Variants in DMRT1 observed in about 807,000 individuals in gnomAD.
The protein encoded by DMRT1 is doublesex- and mab-3-related transcription factor 1.
Under a neutral mutation model 32.3 loss-of-function variants are expected in DMRT1, and 7 were observed. The observed-to-expected ratio is 0.22, with a 90% CI of 0.12 to 0.41. The LOEUF is 0.41. Ranked by LOEUF, DMRT1 falls within the 10% of genes least tolerant of loss-of-function variation. The pLI, the probability that DMRT1 is intolerant of heterozygous loss-of-function variation, is 1.00. For missense variants in DMRT1, 625 were observed against 500.5 expected (o/e 1.25, Z -2.37); for synonymous variants, 278 against 206.1 (o/e 1.35, Z -2.99).
intron 2 of DMRT1, among the ~76,000 whole-genome samples, chr9:862,237 C>T (rs896672015): frequency 1.4e-4 from 22 of 152,170 alleles, no homozygotes; most frequent in East Asian, 5.8e-4. Context: ...AGCGAGACTC[C>T]GTCTGCACTC....
chr9:847,852 A>C, intron 2 of DMRT1, among the ~76,000 whole-genome samples: 1 of 152,352 alleles, frequency 6.6e-6, no homozygotes, highest in South Asian at 2.1e-4. Flanking sequence ...ATTCATTACA[A>C]TGAAATAAAT....
chr9:858,867 AAAAATATATAT>A lies in DMRT1; in HGVS notation c.538+11726_538+11736del, dbSNP rs1169623450. ...CCAGTCTGTCTCAAAAAAAAAAAAA[AAAAATATATAT>A]ATATATATATATATATTTATCATTG... On this transcript the variant is annotated intron_variant, in intron 2 of 4. Coordinates refer to ENST00000382276, the MANE Select transcript of DMRT1 (RefSeq NM_021951.3). Among the ~76,000 whole-genome samples the A allele has an allele frequency of 7.1e-4, 13 of 18,290 alleles. 1 individual carries two copies. In the South Asian group the frequency reaches 0.014, roughly 20 times the overall value. 12.0% of individuals were successfully genotyped at this position (18,290 alleles called of 152,430 possible).
intron 2 of DMRT1, among the ~76,000 whole-genome samples, chr9:889,243 G>T (rs1407462450): frequency 1.3e-5 from 2 of 152,164 alleles, no homozygotes; most frequent in African/African-American, 4.8e-5. Context: ...CACTGACTGA[G>T]AATTTTAATT....
At chr9:931,096 A>T (rs1037073637) in intron 4 of DMRT1, among the ~76,000 whole-genome samples, 1 of 152,170 alleles carries the variant, frequency 6.6e-6, no homozygotes, top group African/African-American at 2.4e-5. Context: ...GACTTTTTGT[A>T]TAAATGGGAT....
At position 842,558 on chromosome 9, in the gene DMRT1, G is replaced by A. The variant is rs546349295; in HGVS notation, c.354+366G>A. 2.6e-3 allele frequency among the ~76,000 whole-genome samples: 398 copies of A among 151,606 alleles called. 6 individuals carry two copies. The highest frequency in any genetic ancestry group is 9.1e-3 in the African/African-American group (377 of 41,430). Reference sequence around the variant, plus strand: ...GCGGGGCCCGAGTTTCTTGAATGAAGTCCCCCCAGCATGGCCGTTGCCATG... The same window carrying A: ...GCGGGGCCCGAGTTTCTTGAATGAAATCCCCCCAGCATGGCCGTTGCCATG... On this transcript the variant is annotated intron_variant, in intron 1 of 4. Transcript: ENST00000382276.
At chr9:858,869 AAATATAT>A (rs1448370975) in intron 2 of DMRT1, among the ~76,000 whole-genome samples, 11 of 17,308 alleles carry the variant, frequency 6.4e-4, no homozygotes, top group African/African-American at 1.7e-3. Flanking sequence ...AAAAAAAAAA[AAATATAT>A]ATATATATAT....
intron 4 of DMRT1, among the ~76,000 whole-genome samples, chr9:923,948 A>T (rs768789995): frequency 6.6e-6 from 1 of 152,132 alleles, no homozygotes; most frequent in Non-Finnish European, 1.5e-5. Flanking sequence ...CTTGGAACAG[A>T]GAAGTAAGTG....
intron 4 of DMRT1, among the ~76,000 whole-genome samples, chr9:931,452 G>A (rs1028792388): frequency 5.3e-5 from 8 of 152,162 alleles, no homozygotes; most frequent in Admixed American, 1.3e-4. Context: ...TTATTTTCCC[G>A]TTTTGTGCTA....
chr9:887,725 C>T (rs77440724), intron 2 of DMRT1, among the ~76,000 whole-genome samples: 1,871 of 152,248 alleles, frequency 0.012, 31 homozygotes, highest in African/African-American at 0.043. Context: ...CTCACCGTGG[C>T]CTTTTCTGAC....
rs1395484385 is a variant in DMRT1 at position 951,374 on chromosome 9, A to T, written c.968-16611A>T. On this transcript the variant is annotated intron_variant, in intron 4 of 4. Transcript: ENST00000382276. The stretch of plus-strand genomic sequence containing the variant: ...AGCTGGAAACACAGACCAGACATGG[A>T]CAGTAACCTTAATCAGCAAGAATGC... Among the ~76,000 whole-genome samples the T allele has an allele frequency of 2.0e-5, 3 of 152,214 alleles. No homozygotes were observed. The East Asian group carries it at 5.8e-4, about 29-fold the overall frequency.
intron 2 of DMRT1, among the ~76,000 whole-genome samples, chr9:869,610 G>T (rs528353251): frequency 3.3e-5 from 5 of 152,066 alleles, no homozygotes; most frequent in African/African-American, 1.2e-4. Flanking sequence ...TACTTGTAAG[G>T]CTACTCCTCC....
At chr9:894,305 A>G in intron 3 of DMRT1, 110 bp downstream of exon 3, 1 of 1,193,494 alleles carries the variant, frequency 8.4e-7, no homozygotes, top group Non-Finnish European at 1.2e-6. Flanking sequence ...GCCCAGAGGC[A>G]CACACAGGTG....
At chr9:883,162 C>G (rs1324842632) in intron 2 of DMRT1, among the ~76,000 whole-genome samples, 1 of 151,918 alleles carries the variant, frequency 6.6e-6, no homozygotes. Context: ...CCCTTTGAAC[C>G]AAGCCCGCTC....
chr9:864,188 T>G (rs1815855094), intron 2 of DMRT1, among the ~76,000 whole-genome samples: 1 of 133,768 alleles, frequency 7.5e-6, no homozygotes, highest in African/African-American at 2.6e-5. Context: ...TGTATTCTTT[T>G]AACTTCTTCT....
At chr9:859,835 T>A (rs1179653388) in intron 2 of DMRT1, among the ~76,000 whole-genome samples, 1 of 150,428 alleles carries the variant, frequency 6.6e-6, no homozygotes, top group Non-Finnish European at 1.5e-5. Flanking sequence ...AGTATTACAG[T>A]AATAGCAGAT....
intron 4 of DMRT1, among the ~76,000 whole-genome samples, chr9:951,892 C>T (rs1819438485): frequency 6.6e-6 from 1 of 152,192 alleles, no homozygotes; most frequent in East Asian, 1.9e-4. Flanking sequence ...GTTTGAAGCA[C>T]TTACTGATTA....
chr9:956,794 C>T (rs1015647148), intron 4 of DMRT1, among the ~76,000 whole-genome samples: 12 of 152,130 alleles, frequency 7.9e-5, no homozygotes, highest in Non-Finnish European at 1.0e-4. Context: ...TTCAGAGCCT[C>T]GCTCTCTTGA....
intron 4 of DMRT1, among the ~76,000 whole-genome samples, chr9:966,616 T>C (rs567461057): frequency 3.3e-5 from 5 of 152,362 alleles, no homozygotes; most frequent in African/African-American, 9.6e-5. Context: ...TCTGAAAGAA[T>C]GTGGTCCAGT....
chr9:942,661 T>G (rs574767491), intron 4 of DMRT1, among the ~76,000 whole-genome samples: 1 of 152,192 alleles, frequency 6.6e-6, no homozygotes, highest in Non-Finnish European at 1.5e-5. Context: ...GAGGTACATC[T>G]CAAGTTTATT....
Sources: allele counts gnomAD v4.1 joint callset (sites outside exome capture counted in the v4.1 genomes callset), GRCh38; gene constraint gnomAD v4.1.1; transcripts MANE v1.5; gene names NCBI Gene and HGNC (gene_info 2026-07-23, HGNC 2026-07-21).